The following RAG1 variants were observed in gnomAD, a reference collection of about 807,000 sequenced individuals.
RAG1 encodes recombination activating 1.
Under a neutral mutation model 62.7 loss-of-function variants are expected in RAG1, and 35 were observed. The ratio of observed to expected loss-of-function variants is 0.56; its 90% confidence interval spans 0.43 to 0.74. The LOEUF (loss-of-function observed/expected upper bound fraction) is 0.74. Ranked by LOEUF, RAG1 falls within the 30% of genes least tolerant of loss-of-function variation. RAG1 has a pLI of 0.00. For missense variants in RAG1, 1,169 were observed against 1,278.6 expected, an observed-to-expected ratio of 0.91 and a Z score of 1.31; for synonymous variants, 461 against 470.3, an observed-to-expected ratio of 0.98 and a Z score of 0.26.
chr11:36,564,062 AGATGTC>A (rs1850627642), upstream of RAG1, among the ~76,000 whole-genome samples: 1 of 152,256 alleles, frequency 6.6e-6, no homozygotes, highest in Non-Finnish European at 1.5e-5. Flanking sequence ...GAAATGGAAC[AGATGTC>A]TCCTGATTAG....
Position 36,574,355 on chromosome 11 carries a change from T to A in RAG1, c.1051T>A (p.Leu351Met). 6.2e-7 allele frequency: 1 copy of A among 1,614,230 alleles called. No homozygotes were observed. The highest frequency in any genetic ancestry group is 8.5e-7 in the Non-Finnish European group (1 of 1,180,040). ...TCCAGTGAAGTCCTTTCTGAGCGTC[T>A]TGAATTCCCTGATGGTGAAATGTCC... ...ESPVKSFLSV[L>M]NSLMVKCPAK... Residue 351 changes from leucine (L) to methionine (M), a missense_variant, in exon 2 of 2, where the codon TTG becomes ATG. Coordinates refer to ENST00000299440, the MANE Select transcript of RAG1 (RefSeq NM_000448.3).
intron 2 of RAG1, among the ~76,000 whole-genome samples, chr11:36,520,755 T>C (rs772618561): frequency 6.6e-6 from 1 of 152,256 alleles, no homozygotes; most frequent in Non-Finnish European, 1.5e-5. Context: ...AAGATTACTT[T>C]GTTAGTTGAG....
chr11:36,563,268 C>T (rs1397293242), upstream of RAG1: 1 of 152,228 alleles, frequency 6.6e-6, no homozygotes, highest in Non-Finnish European at 1.5e-5. Flanking sequence ...AAGATCCACC[C>T]TCACCAATGT....
At chr11:36,514,673 T>C (rs1175072534) in intron 1 of RAG1, among the ~76,000 whole-genome samples, 1 of 152,006 alleles carries the variant, frequency 6.6e-6, no homozygotes, top group African/African-American at 2.4e-5. Context: ...TCATAAGGAG[T>C]GTGCAACCTA....
chr11:36,565,937 C>T (rs1026294212), upstream of RAG1: 2 of 152,198 alleles, frequency 1.3e-5, no homozygotes, highest in Non-Finnish European at 2.9e-5. Flanking sequence ...ACTGTATCTT[C>T]ATAGGCACCC....
chr11:36,574,417 A>G lies in RAG1; in HGVS notation c.1113A>G (p.Lys371=). The G allele has an allele frequency of 6.2e-7, 1 of 1,614,226 alleles. No individual in the cohort carries two copies. The highest frequency in any genetic ancestry group is 8.5e-7 in the Non-Finnish European group (1 of 1,180,046). The change falls in exon 2 of 2, where the codon AAA becomes AAG. Residue 371 remains lysine (K), a synonymous_variant. Coordinates refer to ENST00000299440, the MANE Select transcript of RAG1 (RefSeq NM_000448.3). ...KECNEEVSLE[K]YNHHISSHKE... ...GCAATGAGGAGGTCAGTTTGGAAAAATATAATCACCACATCTCAAGTCACA... is the reference window on the plus strand; with the variant it reads ...GCAATGAGGAGGTCAGTTTGGAAAAGTATAATCACCACATCTCAAGTCACA...
At chr11:36,524,522 C>G (rs550293496) in intron 2 of RAG1, among the ~76,000 whole-genome samples, 4 of 148,194 alleles carry the variant, frequency 2.7e-5, no homozygotes, top group African/African-American at 7.4e-5. Flanking sequence ...AGGTCTCACT[C>G]TCTTACCCAG....
At chr11:36,512,667 C>T (rs572338860) in intron 1 of RAG1, among the ~76,000 whole-genome samples, 18 of 152,126 alleles carry the variant, frequency 1.2e-4, no homozygotes, top group Non-Finnish European at 2.5e-4. Flanking sequence ...GGAAGTCCTA[C>T]GCAGATGGAA....
At chr11:36,565,374 G>T (rs1352440157), upstream of RAG1, among the ~76,000 whole-genome samples, 1 of 152,170 alleles carries the variant, frequency 6.6e-6, no homozygotes, top group African/African-American at 2.4e-5. Context: ...GCTCAGGGGG[G>T]TTGGGGCTTG....
intron 2 of RAG1, among the ~76,000 whole-genome samples, chr11:36,532,989 T>C (rs1180968997): frequency 6.6e-6 from 1 of 152,206 alleles, no homozygotes; most frequent in Non-Finnish European, 1.5e-5. Context: ...GAAGCTATTA[T>C]AGTTGCAGAA....
intron 2 of RAG1, among the ~76,000 whole-genome samples, chr11:36,530,585 TG>T (rs1401788794): frequency 1.3e-5 from 2 of 151,974 alleles, no homozygotes; most frequent in Non-Finnish European, 2.9e-5. Context: ...TTTGACCCAC[TG>T]GTTACTTAGG....
At chr11:36,545,880 T>C (rs1410565653) in intron 3 of RAG1, among the ~76,000 whole-genome samples, 1 of 152,228 alleles carries the variant, frequency 6.6e-6, no homozygotes, top group Admixed American at 6.5e-5. Context: ...GGTTGTTCAG[T>C]TTCCGTGTAG....
chr11:36,518,469 T>G (rs911898767), intron 1 of RAG1, among the ~76,000 whole-genome samples: 1 of 152,170 alleles, frequency 6.6e-6, no homozygotes, highest in African/African-American at 2.4e-5. Flanking sequence ...AGTGTAAAAG[T>G]GTTCCTATTT....
chr11:36,544,306 G>A (rs1399602), intron 3 of RAG1, among the ~76,000 whole-genome samples: 23,283 of 152,122 alleles, frequency 0.15, 1,902 homozygotes, highest in Admixed American at 0.2. Context: ...TAGAAGGGTC[G>A]ACAAGGAGAC....
At chr11:36,546,817 A>G (rs770428099) in intron 3 of RAG1, among the ~76,000 whole-genome samples, 2 of 152,018 alleles carry the variant, frequency 1.3e-5, no homozygotes, top group Non-Finnish European at 2.9e-5. Flanking sequence ...AAAGGATTTT[A>G]TTTCTCTTTC....
At position 36,578,315 on chromosome 11, in the gene RAG1, T is replaced by C. The variant is rs1850882385; in HGVS notation, c.*1879T>C. The C allele has an allele frequency of 6.0e-6, 1 of 166,892 alleles. No homozygotes were observed. The highest frequency in any genetic ancestry group is 1.5e-5 in the Non-Finnish European group (1 of 68,132). 10.3% of individuals were successfully genotyped at this position (166,892 alleles called of 1,614,324 possible). A position where few individuals can be genotyped will look rare whatever the true frequency, so the allele number is the denominator to read the frequency against. ...TTATATGCAGAATATCAAAGTCATT[T>C]CTAATTTAGTTGTCAAAAACATATA... On this transcript the variant is annotated 3_prime_UTR_variant, in exon 2 of 2. Coordinates refer to ENST00000299440, the MANE Select transcript of RAG1 (RefSeq NM_000448.3).
chr11:36,573,674 A>C lies in RAG1; in HGVS notation c.370A>C (p.Asn124His). Reference protein sequence around the residue: ...CGNSFRADEHNRRYPVHGPVD... With the variant: ...CGNSFRADEHHRRYPVHGPVD... ...GAATTCTTTTAGAGCTGATGAGCACAACAGGAGATATCCAGTCCATGGTCC... is the reference window on the plus strand; with the variant it reads ...GAATTCTTTTAGAGCTGATGAGCACCACAGGAGATATCCAGTCCATGGTCC... The change falls in exon 2 of 2, where the codon AAC (asparagine) becomes CAC (histidine). Residue 124 changes from asparagine to histidine, a missense_variant. Physicochemically the swap from Asn to His is moderately conservative, Grantham distance 68. Transcript: ENST00000299440. The C allele has an allele frequency of 1.2e-6, 2 of 1,614,152 alleles. No homozygotes were observed. Among genetic ancestry groups the C allele is most frequent in the South Asian group, 2.2e-5 (2 of 91,080 alleles).
downstream of RAG1, among the ~76,000 whole-genome samples, chr11:36,536,879 C>CTCCCGAGTAG (rs551129618): frequency 0.012 from 1,738 of 150,142 alleles, 32 homozygotes; most frequent in East Asian, 0.03. Flanking sequence ...CTGCCTCAGC[C>CTCCCGAGTAG]TCCCGAGTAG....
intron 2 of RAG1, among the ~76,000 whole-genome samples, chr11:36,524,489 AT>A (rs199510458): frequency 0.041 from 5,631 of 136,862 alleles, 130 homozygotes; most frequent in African/African-American, 0.073. Flanking sequence ...GGTGTGTGCT[AT>A]TTTTTTTTTT....
Sources: gnomAD v4.1 joint callset for allele counts (sites outside exome capture counted in the v4.1 genomes callset) on GRCh38, gnomAD v4.1.1 for gene constraint, MANE v1.5 for transcripts, NCBI Gene and HGNC (gene_info 2026-07-23, HGNC 2026-07-21) for gene names.